Variants in ACTR3 observed in about 807,000 individuals in gnomAD.
ACTR3 encodes the protein actin-related protein 3.
In ACTR3, 12 loss-of-function variants were observed where a neutral mutation model predicts 56.8. That is an observed-to-expected ratio of 0.21 (90% CI 0.14 to 0.34). The LOEUF is 0.34. Among genes scored for constraint, ACTR3 ranks in the 10% least tolerant of loss-of-function variants. The probability of loss-of-function intolerance (pLI) is 1.00; values close to 1 mark genes in which losing one functional copy is unlikely to be tolerated. For synonymous variants in ACTR3, 162 were observed against 167.4 expected, an observed-to-expected ratio of 0.97 and a Z score of 0.25; for missense variants, 282 against 512.5, an observed-to-expected ratio of 0.55 and a Z score of 4.34.
intron 8 of ACTR3, among the ~76,000 whole-genome samples, chr2:113,947,111 A>C (rs1408960608): frequency 6.6e-6 from 1 of 152,230 alleles, no homozygotes; most frequent in East Asian, 1.9e-4. Context: ...GAGTAGATTA[A>C]TAGAAGTGTG....
intron 1 of ACTR3, among the ~76,000 whole-genome samples, chr2:113,905,644 A>C (rs1348191632): frequency 6.6e-6 from 1 of 152,126 alleles, no homozygotes; most frequent in Admixed American, 6.5e-5. Flanking sequence ...ATTAAGCAGT[A>C]ACTTCCCGTT....
chr2:113,890,425 C>T (rs1678863559), intron 1 of ACTR3, 102 bp downstream of exon 1: 10 of 1,346,110 alleles, frequency 7.4e-6, no homozygotes, highest in African/African-American at 1.5e-5. Flanking sequence ...GAGGTGCCGC[C>T]GCCGGCTGTC....
intron 1 of ACTR3, among the ~76,000 whole-genome samples, chr2:113,892,136 A>G (rs1329167348): frequency 6.6e-6 from 1 of 152,142 alleles, no homozygotes; most frequent in African/African-American, 2.4e-5. Flanking sequence ...TCTAATCTCC[A>G]TTTTCCCCCT....
chr2:113,927,527 C>A, intron 4 of ACTR3, 72 bp downstream of exon 4: 2 of 908,120 alleles, frequency 2.2e-6, no homozygotes, highest in Non-Finnish European at 3.4e-6. Context: ...CATCATACTT[C>A]TTTGGTATAC....
chr2:113,935,244 A>G lies in ACTR3; in HGVS notation c.540+858A>G, dbSNP rs544326065. Among the ~76,000 whole-genome samples the G allele has an allele frequency of 4.0e-5, 6 of 148,168 alleles. No homozygotes were observed. In the East Asian group the frequency reaches 1.4e-3, roughly 33 times the overall value. On this transcript the variant is annotated intron_variant, in intron 6 of 11. Transcript: ENST00000263238. ...CATATACCATACAATTCACTTCTTT[A>G]GAGTGTACAGTTCATTGATTTTTAG... is the stretch of plus-strand genomic sequence containing the variant.
At chr2:113,912,047 T>G (rs548441968) in intron 1 of ACTR3, among the ~76,000 whole-genome samples, 1 of 152,236 alleles carries the variant, frequency 6.6e-6, no homozygotes, top group East Asian at 1.9e-4. Flanking sequence ...GCCTAATTTC[T>G]ATAGTTTTAG....
At chr2:113,911,112 A>C (rs1384556151) in intron 1 of ACTR3, among the ~76,000 whole-genome samples, 1 of 152,166 alleles carries the variant, frequency 6.6e-6, no homozygotes, top group African/African-American at 2.4e-5. Flanking sequence ...GAGAGCATCT[A>C]ATGTAGTAGG....
In ACTR3 at chr2:113,957,383, C is replaced by T; in HGVS notation, c.1185C>T (p.His395=). 1 of 1,613,216 alleles carries T rather than the reference C, an allele frequency of 6.2e-7. No individual in the cohort carries two copies. The highest frequency in any genetic ancestry group is 8.5e-7 in the Non-Finnish European group (1 of 1,179,480). ...ASTPEFYQVC[H]TKKDYEEIGP... ...AGCCTGAGTTCTACCAAGTATGCCACACCAAAAAGGATTATGAAGAAATTG... is the reference window on the plus strand; with the variant it reads ...AGCCTGAGTTCTACCAAGTATGCCATACCAAAAAGGATTATGAAGAAATTG... The change falls in exon 12 of 12, where the codon CAC becomes CAT. Residue 395 remains histidine (H), a synonymous_variant. Transcript: ENST00000263238.
rs1339590433 is a variant in ACTR3, at chr2:113,917,008, G to A, written c.225G>A (p.Lys75=). Residue 75 remains lysine (K), a splice_region_variant and synonymous_variant, in exon 3 of 12, where the codon AAG becomes AAA. Transcript: ENST00000263238. ...EAIEKPTYAT[K]WPIRHGIVED... ...TAGAAAAACCTACATATGCAACAAA[G>A]GTATGTTTTTATGATTTGTATAAAT... The A allele has an allele frequency of 6.3e-7, 1 of 1,595,328 alleles. No homozygotes were observed. The highest frequency in any genetic ancestry group is 8.5e-7 in the Non-Finnish European group (1 of 1,172,156).
chr2:113,918,016 A>G (rs1318855743), intron 3 of ACTR3, among the ~76,000 whole-genome samples: 1 of 152,220 alleles, frequency 6.6e-6, no homozygotes, highest in Non-Finnish European at 1.5e-5. Flanking sequence ...TAGAGAAACC[A>G]ATATATGAAA....
At chr2:113,934,995 A>G (rs937059775) in intron 6 of ACTR3, among the ~76,000 whole-genome samples, 3 of 152,090 alleles carry the variant, frequency 2.0e-5, no homozygotes, top group Non-Finnish European at 4.4e-5. Context: ...TAATTTTTAT[A>G]TTATAATGAA....
At chr2:113,948,481 T>C (rs1432067499) in intron 8 of ACTR3, among the ~76,000 whole-genome samples, 1 of 152,160 alleles carries the variant, frequency 6.6e-6, no homozygotes, top group Non-Finnish European at 1.5e-5. Flanking sequence ...GAATTCCAAC[T>C]ATGGAAGAGG....
intron 7 of ACTR3, among the ~76,000 whole-genome samples, chr2:113,941,564 A>G (rs958399272): frequency 6.6e-6 from 1 of 152,168 alleles, no homozygotes; most frequent in Non-Finnish European, 1.5e-5. Context: ...AAAAAAATAA[A>G]ACAAATATTG....
Position 113,890,307 on chromosome 2 carries a change from G to T in ACTR3, c.28G>T (p.Val10Leu). MAGRLPACV[V>L]DCGTGYTKLG... ...GGCGGGACGGCTGCCGGCCTGTGTG[G>T]TGGACTGTGGCACGGGGTAAGGGGG... Residue 10 changes from valine to leucine, a missense_variant, in exon 1 of 12, where the codon GTG becomes TTG. Coordinates refer to ENST00000263238, the MANE Select transcript of ACTR3 (RefSeq NM_005721.5). 6.5e-7 allele frequency: 1 copy of T among 1,548,186 alleles called. No individual in the cohort carries two copies. The highest frequency in any genetic ancestry group is 8.7e-7 in the Non-Finnish European group (1 of 1,145,272).
intron 8 of ACTR3, among the ~76,000 whole-genome samples, chr2:113,947,325 A>G (rs1484008222): frequency 6.6e-6 from 1 of 152,206 alleles, no homozygotes; most frequent in Non-Finnish European, 1.5e-5. Flanking sequence ...ATGCTTGACA[A>G]ATGAGCTTAG....
At chr2:113,954,810 A>C (rs557222323) in intron 10 of ACTR3, 8 of 152,066 alleles carry the variant, frequency 5.3e-5, no homozygotes, top group African/African-American at 1.9e-4. Context: ...GGAGAACGTT[A>C]CTAAGAAACC....
intron 1 of ACTR3, among the ~76,000 whole-genome samples, chr2:113,901,638 G>A (rs936739004): frequency 4.6e-5 from 7 of 152,196 alleles, no homozygotes; most frequent in Non-Finnish European, 8.8e-5. Flanking sequence ...TTTGGAAAGA[G>A]TTGTGCTAGA....
chr2:113,919,240 A>C (rs1004321516), intron 3 of ACTR3, among the ~76,000 whole-genome samples: 2 of 152,134 alleles, frequency 1.3e-5, no homozygotes, highest in Admixed American at 1.3e-4. Context: ...TCATTGCTTA[A>C]ATTTCTTTGA....
chr2:113,934,328 G>A lies in ACTR3; in HGVS notation c.482G>A (p.Arg161Gln), dbSNP rs1430980931. 2.5e-6 allele frequency: 4 copies of A among 1,609,724 alleles called. No homozygotes were observed. The highest frequency in any genetic ancestry group is 1.7e-4 in the Middle Eastern group (1 of 6,042). Residue 161 changes from arginine (R) to glutamine (Q), a missense_variant, in exon 6 of 12, where the codon CGG (arginine) becomes CAG (glutamine). Transcript: ENST00000263238. ...TGGACCTCAAGACAAGTAGGAGAAC[G>A]GACGTTGACCGGTACGGTAATAGAC... is the stretch of plus-strand genomic sequence containing the variant. ...ASWTSRQVGE[R>Q]TLTGTVIDSG...
Sources: gnomAD v4.1 joint callset for allele counts (sites outside exome capture counted in the v4.1 genomes callset) on GRCh38, gnomAD v4.1.1 for gene constraint, MANE v1.5 for transcripts, NCBI Gene and HGNC (gene_info 2026-07-23, HGNC 2026-07-21) for gene names.